Variants in CHD9 observed in about 807,000 individuals in gnomAD.
CHD9 encodes the protein chromodomain helicase DNA binding protein 9, also known as ATP-dependent chromatin remodeler CHD9.
Under a neutral mutation model 316.1 loss-of-function variants are expected in CHD9, and 77 were observed. The observed-to-expected ratio is 0.24, with a 90% CI of 0.20 to 0.29. The LOEUF is 0.29. Ranked by LOEUF, CHD9 falls within the 10% of genes least tolerant of loss-of-function variation. The probability of loss-of-function intolerance (pLI) is 1.00; values close to 1 mark genes in which losing one functional copy is unlikely to be tolerated. For synonymous variants in CHD9, 1,129 were observed against 1,158.3 expected, an observed-to-expected ratio of 0.97 and a Z score of 0.51; for missense variants, 2,763 against 3,438.1, an observed-to-expected ratio of 0.80 and a Z score of 4.91.
At chr16:53,132,702 T>A (rs2039413089) in intron 1 of CHD9, among the ~76,000 whole-genome samples, 1 of 152,122 alleles carries the variant, frequency 6.6e-6, no homozygotes, top group African/African-American at 2.4e-5. Context: ...GTTCGATATT[T>A]GATAAGTATT....
chr16:53,118,559 T>C (rs1430498216), intron 1 of CHD9, among the ~76,000 whole-genome samples: 1 of 152,190 alleles, frequency 6.6e-6, no homozygotes, highest in South Asian at 2.1e-4. Flanking sequence ...ATCCCACTGC[T>C]CTTAATTTTT....
chr16:53,138,453 T>C (rs756702704), intron 1 of CHD9, among the ~76,000 whole-genome samples: 2 of 152,154 alleles, frequency 1.3e-5, no homozygotes, highest in Non-Finnish European at 2.9e-5. Context: ...ATTAAACTAC[T>C]TTAAATGAAT....
intron 1 of CHD9, among the ~76,000 whole-genome samples, chr16:53,131,763 C>A (rs573228455): frequency 2.8e-3 from 419 of 152,286 alleles, no homozygotes; most frequent in African/African-American, 9.5e-3. Context: ...GGGCGTCCCG[C>A]GCGGGCACCC....
Position 53,209,732 on chromosome 16 carries a change from G to A in CHD9, c.1703G>A (p.Arg568Lys), listed in dbSNP as rs1278402870. Residue 568 changes from arginine (R) to lysine (K), a missense_variant, in exon 3 of 39, where the codon AGA becomes AAA. Transcript: ENST00000447540. ...GAAGGAAAAGAGGAAAAGAAAGGTA[G>A]AAGGATGAAATCCAAGCCAAAGGAC... is the stretch of plus-strand genomic sequence containing the variant. ...SVEGKEEKKGRRMKSKPKDKD... is the reference protein window; with the variant it reads ...SVEGKEEKKGKRMKSKPKDKD... The A allele has an allele frequency of 6.2e-7, 1 of 1,613,708 alleles. No individual in the cohort carries two copies. Among genetic ancestry groups the A allele is most frequent in the Non-Finnish European group, 8.5e-7 (1 of 1,179,742 alleles).
chr16:53,318,868 T>C (rs985789010), intron 37 of CHD9, among the ~76,000 whole-genome samples: 1 of 152,238 alleles, frequency 6.6e-6, no homozygotes, highest in Non-Finnish European at 1.5e-5. Context: ...TAAATTTATA[T>C]ATTTATCACT....
chr16:53,297,041 T>G lies in CHD9; in HGVS notation c.5596T>G (p.Trp1866Gly). The G allele has an allele frequency of 6.2e-7, 1 of 1,613,854 alleles. No individual in the cohort carries two copies. Among genetic ancestry groups the G allele is most frequent in the Non-Finnish European group, 8.5e-7 (1 of 1,179,792 alleles). The part of the protein sequence containing the change: ...VFDPDRGQFD[W>G]TKFRAMARLH... ...TGACCCTGACAGAGGCCAATTTGAT[T>G]GGACAAAATTTAGAGCTATGGCTAG... is the stretch of plus-strand genomic sequence containing the variant. The change falls in exon 30 of 39, where the codon TGG becomes GGG. Residue 1866 changes from tryptophan (W) to glycine (G), a missense_variant. By Grantham distance (184) the Trp-to-Gly change is radical (BLOSUM62 -2). Transcript: ENST00000447540.
chr16:53,098,684 A>G (rs1376992355), intron 1 of CHD9, among the ~76,000 whole-genome samples: 1 of 152,100 alleles, frequency 6.6e-6, no homozygotes, highest in Non-Finnish European at 1.5e-5. Flanking sequence ...GCAAAACAAA[A>G]CAGAAAACTC....
At chr16:53,219,611 C>T (rs1393445372) in intron 3 of CHD9, among the ~76,000 whole-genome samples, 1 of 152,166 alleles carries the variant, frequency 6.6e-6, no homozygotes, top group African/African-American at 2.4e-5. Flanking sequence ...GAAACAGTTA[C>T]ACGTTAGGAC....
chr16:53,268,114 C>A lies in CHD9; in HGVS notation c.4705C>A (p.Gln1569Lys). The change falls in exon 22 of 39, where the codon CAG becomes AAG. Residue 1569 changes from glutamine to lysine, a missense_variant. Coordinates refer to ENST00000447540, the MANE Select transcript of CHD9 (RefSeq NM_001308319.2). ...TGAAGATGGACAGACACGAGAGCTA[C>A]AGAATCATCTAGGTAAGAACATTGT... The part of the protein sequence containing the change: ...PTEDGQTREL[Q>K]NHLGLSAPVP... 4 of 1,606,192 alleles carry A rather than the reference C, an allele frequency of 2.5e-6. No individual in the cohort carries two copies. The highest frequency in any genetic ancestry group is 3.4e-6 in the Non-Finnish European group (4 of 1,175,330).
At chr16:53,173,682 C>G (rs1199244661) in intron 2 of CHD9, among the ~76,000 whole-genome samples, 1 of 151,910 alleles carries the variant, frequency 6.6e-6, no homozygotes, top group Middle Eastern at 3.2e-3. Flanking sequence ...GTAGCTGGGA[C>G]TACGGGTGCC....
intron 3 of CHD9, among the ~76,000 whole-genome samples, chr16:53,220,927 A>T (rs1297202288): frequency 6.6e-6 from 1 of 152,106 alleles, no homozygotes; most frequent in Non-Finnish European, 1.5e-5. Context: ...ATCATATCAA[A>T]TGTTGTCTTT....
At position 53,255,721 on chromosome 16, in the gene CHD9, T is replaced by C; in HGVS notation, c.4151T>C (p.Leu1384Pro). The C allele has an allele frequency of 2.5e-6, 4 of 1,613,932 alleles. No individual in the cohort carries two copies. The highest frequency in any genetic ancestry group is 3.4e-6 in the Non-Finnish European group (4 of 1,179,836). Residue 1384 changes from leucine (L) to proline (P), a missense_variant, in exon 19 of 39, where the codon CTA becomes CCA. Leu to Pro is a moderately conservative substitution (Grantham distance 98). Transcript: ENST00000447540. The stretch of plus-strand genomic sequence containing the variant: ...GAAGAGGATATCGATCAGATTTTAC[T>C]ACGTCGTACAAAAACTATTACAATT... ...FCEEDIDQIL[L>P]RRTKTITIES... is the part of the protein sequence containing the mutation.
intron 24 of CHD9, among the ~76,000 whole-genome samples, chr16:53,282,372 G>A (rs542361191): frequency 3.3e-5 from 5 of 152,262 alleles, no homozygotes; most frequent in South Asian, 4.1e-4. Context: ...ACTTAAGGCC[G>A]TGGCAAGTGG....
chr16:53,121,649 T>C, intron 1 of CHD9: 1 of 320,642 alleles, frequency 3.1e-6, no homozygotes, highest in South Asian at 2.7e-5. Context: ...ACCAGCTGCC[T>C]CTAGATTTGA....
At chr16:53,208,925 C>T (rs2046107837) in intron 2 of CHD9, among the ~76,000 whole-genome samples, 1 of 152,106 alleles carries the variant, frequency 6.6e-6, no homozygotes, top group African/African-American at 2.4e-5. Flanking sequence ...TTAACTCTTT[C>T]ATGGGAAAAC....
In CHD9 at chr16:53,236,980, AG is replaced by A. The variant is rs569421779; in HGVS notation, c.2634-1362del. On this transcript the variant is annotated intron_variant, in intron 11 of 38. Coordinates refer to ENST00000447540, the MANE Select transcript of CHD9 (RefSeq NM_001308319.2). ...CTATACTCCCCGTGCCTTCACGGGG[AG>A]TCCCATACTTTTAAATCTAAGGTCT... Among the ~76,000 whole-genome samples the A allele has an allele frequency of 5.9e-5, 9 of 151,966 alleles. No homozygotes were observed. In the South Asian group the frequency reaches 1.9e-3, roughly 32 times the overall value.
At chr16:53,207,394 G>A (rs1012212339) in intron 2 of CHD9, among the ~76,000 whole-genome samples, 1 of 151,808 alleles carries the variant, frequency 6.6e-6, no homozygotes, top group South Asian at 2.1e-4. Flanking sequence ...TTTATGTTAC[G>A]AAAAAAATGT....
At chr16:53,183,422 G>A (rs958900728) in intron 2 of CHD9, among the ~76,000 whole-genome samples, 3 of 152,056 alleles carry the variant, frequency 2.0e-5, no homozygotes, top group African/African-American at 7.2e-5. Context: ...AAAGGGGAAG[G>A]AACAGGGAGG....
At chr16:53,080,491 A>G (rs528195145) in intron 1 of CHD9, among the ~76,000 whole-genome samples, 4 of 151,930 alleles carry the variant, frequency 2.6e-5, no homozygotes, top group Non-Finnish European at 4.4e-5. Flanking sequence ...ACAACATGCT[A>G]CCCCACCCAC....
Sources: gnomAD v4.1 joint callset for allele counts (sites outside exome capture counted in the v4.1 genomes callset) on GRCh38, gnomAD v4.1.1 for gene constraint, MANE v1.5 for transcripts, NCBI Gene and HGNC (gene_info 2026-07-23, HGNC 2026-07-21) for gene names.